Variants in VDAC1 observed in about 807,000 individuals in gnomAD.
The protein encoded by VDAC1 is voltage dependent anion channel 1, also known as non-selective voltage-gated ion channel VDAC1.
Under a neutral mutation model 34.7 loss-of-function variants are expected in VDAC1, and 10 were observed. The observed-to-expected ratio is 0.29, with a 90% confidence interval of 0.18 to 0.49. The LOEUF (loss-of-function observed/expected upper bound fraction) is 0.49. Ranked by LOEUF, VDAC1 falls within the 20% of genes least tolerant of loss-of-function variation. The pLI, the probability that VDAC1 is intolerant of heterozygous loss-of-function variation, is 0.99. For missense variants in VDAC1, 230 were observed against 347.9 expected (o/e 0.66, Z 2.69); for synonymous variants, 130 against 136.0 (o/e 0.96, Z 0.30).
the VDAC1 span, among the ~76,000 whole-genome samples, chr5:134,069,523 G>A: frequency 6.6e-6 from 1 of 152,178 alleles, no homozygotes; most frequent in Non-Finnish European, 1.5e-5. Flanking sequence ...AGTCCTGGAA[G>A]CTTCCTCTAC....
the VDAC1 span, among the ~76,000 whole-genome samples, chr5:134,036,697 T>C: frequency 6.7e-6 from 1 of 149,694 alleles, no homozygotes; most frequent in Admixed American, 6.7e-5. Flanking sequence ...CTCACGCCTG[T>C]AGTCCCAGCA....
intron 5 of VDAC1, among the ~76,000 whole-genome samples, chr5:133,984,419 CGTGTGTGTGTGTGTGTGTGT>C (rs70976506): frequency 0.011 from 1,370 of 121,944 alleles, 25 homozygotes; most frequent in African/African-American, 0.039. Flanking sequence ...CAATGACCAG[CGTGTGTGTGTGTGTGTGTGT>C]GTGTGTGTGT....
At chr5:134,009,028 G>A (rs1287349372), upstream of VDAC1, among the ~76,000 whole-genome samples, 1 of 152,004 alleles carries the variant, frequency 6.6e-6, no homozygotes, top group Non-Finnish European at 1.5e-5. Context: ...ATCTCTTGGG[G>A]AAACAGGACA....
the VDAC1 span, among the ~76,000 whole-genome samples, chr5:134,034,853 T>C: frequency 3.3e-5 from 5 of 152,078 alleles, no homozygotes; most frequent in East Asian, 5.8e-4. Context: ...TGGTGTTGAA[T>C]TGGAATCTCA....
chr5:133,980,311 A>G (rs1159012186), intron 6 of VDAC1, among the ~76,000 whole-genome samples: 1 of 152,172 alleles, frequency 6.6e-6, no homozygotes, highest in Non-Finnish European at 1.5e-5. Flanking sequence ...AACTGAGATA[A>G]TCAGCTCCTA....
chr5:134,083,968 T>C, the VDAC1 span, among the ~76,000 whole-genome samples: 1 of 152,234 alleles, frequency 6.6e-6, no homozygotes, highest in Admixed American at 6.5e-5. Flanking sequence ...CCAGCCCTTA[T>C]GAGCTGTGTG....
intron 5 of VDAC1, among the ~76,000 whole-genome samples, chr5:133,982,141 G>A (rs758639167): frequency 3.3e-5 from 5 of 152,168 alleles, no homozygotes; most frequent in Admixed American, 1.3e-4. Flanking sequence ...TTCGACAATG[G>A]AGCAATGTGA....
At chr5:134,052,199 C>T in the VDAC1 span, among the ~76,000 whole-genome samples, 5 of 152,174 alleles carry the variant, frequency 3.3e-5, no homozygotes, top group African/African-American at 4.8e-5. Flanking sequence ...CAGTTTGCTA[C>T]TCTGATTGAC....
chr5:134,099,089 G>A, the VDAC1 span, among the ~76,000 whole-genome samples: 1 of 152,224 alleles, frequency 6.6e-6, no homozygotes, highest in African/African-American at 2.4e-5. Context: ...CTGTAGGAGA[G>A]AAGGAAGGCG....
In VDAC1 at chr5:133,982,648, G is replaced by A. The variant is rs533834563; in HGVS notation, c.324-1692C>T. Among the ~76,000 whole-genome samples, 14 of 152,226 alleles carry A rather than the reference G, an allele frequency of 9.2e-5. No individual in the cohort carries two copies. In the South Asian group the frequency reaches 1.5e-3, roughly 16 times the overall value. The stretch of plus-strand genomic sequence containing the variant: ...CTTACGCCTATAATCCCAACACTTC[G>A]GGAGGCCGAGGTGGGTGGATCACCT... On this transcript the variant is annotated intron_variant, in intron 5 of 8. Transcript: ENST00000265333.
At chr5:134,098,805 G>A in the VDAC1 span, among the ~76,000 whole-genome samples, 1 of 152,234 alleles carries the variant, frequency 6.6e-6, no homozygotes, top group Admixed American at 6.5e-5. Context: ...AGAGGGTTGA[G>A]TCACCTGGGG....
At chr5:134,042,905 G>T in the VDAC1 span, among the ~76,000 whole-genome samples, 7 of 152,350 alleles carry the variant, frequency 4.6e-5, no homozygotes, top group South Asian at 1.0e-3. Context: ...CACATAGTGG[G>T]ACAGAAACCA....
chr5:134,036,876 C>G, the VDAC1 span, among the ~76,000 whole-genome samples: 1 of 151,830 alleles, frequency 6.6e-6, no homozygotes, highest in African/African-American at 2.4e-5. Context: ...TGGTGTGAAC[C>G]CAGGAGGTGG....
At chr5:133,992,549 G>GC (rs143483622) in intron 2 of VDAC1, among the ~76,000 whole-genome samples, 194 bp from the exon 3 acceptor site, 1,620 of 152,332 alleles carry the variant, frequency 0.011, 27 homozygotes, top group African/African-American at 0.036. Flanking sequence ...GACAGAATGG[G>GC]CACCCCCACC....
In VDAC1 at chr5:133,972,446, T is replaced by A; in HGVS notation, c.*325A>T. 2.3e-6 allele frequency: 1 copy of A among 431,542 alleles called. No homozygotes were observed. 26.7% of individuals were successfully genotyped at this position (431,542 alleles called of 1,614,324 possible). A position where few individuals can be genotyped will look rare whatever the true frequency, so the allele number is the denominator to read the frequency against. On this transcript the variant is annotated 3_prime_UTR_variant, in exon 9 of 9. Coordinates refer to ENST00000265333, the MANE Select transcript of VDAC1 (RefSeq NM_003374.3). ...CGATTCTCAGGAAATCACAATTTCA[T>A]TCATTTACTCAATATGAATTTACAA... is the stretch of plus-strand genomic sequence containing the variant.
chr5:134,055,966 C>T, the VDAC1 span, among the ~76,000 whole-genome samples: 33 of 150,638 alleles, frequency 2.2e-4, no homozygotes, highest in Non-Finnish European at 2.8e-4. Flanking sequence ...TGGCCAGGCG[C>T]GGTGGCTCAC....
At chr5:133,980,652 A>AAC in intron 6 of VDAC1, 77 bp downstream of exon 6, 1 of 987,126 alleles carries the variant, frequency 1.0e-6, no homozygotes, top group Non-Finnish European at 1.4e-6. Context: ...AAAAAAAAAA[A>AAC]ACAGTGAAAA....
chr5:134,037,914 T>C, the VDAC1 span, among the ~76,000 whole-genome samples: 1 of 152,240 alleles, frequency 6.6e-6, no homozygotes, highest in East Asian at 1.9e-4. Flanking sequence ...TTATATATGA[T>C]ATTGACATTA....
chr5:134,056,651 G>A, the VDAC1 span, among the ~76,000 whole-genome samples: 1 of 151,892 alleles, frequency 6.6e-6, no homozygotes, highest in African/African-American at 2.4e-5. Context: ...TGTTATTCTT[G>A]GGATTGCAAA....
Sources: gnomAD v4.1 joint callset for allele counts (sites outside exome capture counted in the v4.1 genomes callset) on GRCh38, gnomAD v4.1.1 for gene constraint, MANE v1.5 for transcripts, NCBI Gene and HGNC (gene_info 2026-07-23, HGNC 2026-07-21) for gene names.